Variants in BRD9 observed in about 807,000 individuals in gnomAD.
BRD9 encodes bromodomain-containing protein 9.
A neutral mutation model predicts 68.7 loss-of-function variants in BRD9; 47 were observed. The observed-to-expected ratio is 0.68, with a 90% CI of 0.54 to 0.87. The LOEUF (loss-of-function observed/expected upper bound fraction) is 0.87, where lower values mean the gene tolerates loss of function less well. BRD9 is among the 40% of genes least tolerant of loss of function. The pLI, the probability that BRD9 is intolerant of heterozygous loss-of-function variation, is 0.00. For missense variants in BRD9, 670 were observed against 748.4 expected (o/e 0.90, Z 1.22); for synonymous variants, 313 against 293.9 (o/e 1.06, Z -0.67).
rs750717119 is a variant in BRD9, at chr5:889,174, A to G, written c.462-9T>C. On this transcript the variant is annotated splice_polypyrimidine_tract_variant and intron_variant, in intron 4 of 15. Coordinates refer to ENST00000467963, the MANE Select transcript of BRD9 (RefSeq NM_023924.5). ...ATCCATGGGGATCTTTTCTGAAAGC[A>G]AAGACATCTTAAAGCGGAAAAATCT... 4 of 1,607,326 alleles carry G rather than the reference A, an allele frequency of 2.5e-6. No individual in the cohort carries two copies. Among genetic ancestry groups the G allele is most frequent in the East Asian group, 2.2e-5 (1 of 44,812 alleles).
chr5:891,238 T>A lies in BRD9; in HGVS notation c.317A>T (p.Glu106Val). 1 of 1,551,808 alleles carries A rather than the reference T, an allele frequency of 6.4e-7. No homozygotes were observed. Among genetic ancestry groups the A allele is most frequent in the Non-Finnish European group, 8.7e-7 (1 of 1,147,050 alleles). Residue 106 changes from glutamate (E) to valine (V), a missense_variant, in exon 3 of 16, where the codon GAG becomes GTG. Coordinates refer to ENST00000467963, the MANE Select transcript of BRD9 (RefSeq NM_023924.5). ...CTTCCCAGGATCAAAGTCGTCAGCC[T>A]CTCCCTCCGTGTCACAGTGCTCCCT... Reference protein sequence around the residue: ...REREHCDTEGEADDFDPGKKV... With the variant: ...REREHCDTEGVADDFDPGKKV...
intron 12 of BRD9, among the ~76,000 whole-genome samples, chr5:875,349 CTTT>C (rs749144309): frequency 1.4e-5 from 2 of 140,072 alleles, no homozygotes; most frequent in Non-Finnish European, 1.6e-5. Context: ...ACTTCAGACG[CTTT>C]TTTTTTTTTT....
At position 886,612 on chromosome 5, in the gene BRD9, C is replaced by CT; in HGVS notation, c.812dup (p.Pro272AlafsTer3). ...TTTACCTGATAACTTCTCTACTCGG[C>CT]TTTTTGGATTTCTTGGCAGTTTCTA... On this transcript the variant is annotated frameshift_variant, in exon 7 of 16. Coordinates refer to ENST00000467963, the MANE Select transcript of BRD9 (RefSeq NM_023924.5). LOFTEE classifies it high-confidence loss of function. 1 of 1,614,036 alleles carries CT rather than the reference C, an allele frequency of 6.2e-7. No homozygotes were observed. Among genetic ancestry groups the CT allele is most frequent in the Non-Finnish European group, 8.5e-7 (1 of 1,179,954 alleles).
intron 8 of BRD9, chr5:881,485 C>T (rs1056160403): frequency 6.4e-5 from 29 of 450,302 alleles, no homozygotes; most frequent in East Asian, 8.7e-5. Flanking sequence ...CAAAATGGAA[C>T]GGTCAGCAGG....
At chr5:867,933 C>T (rs1749593136) in intron 14 of BRD9, among the ~76,000 whole-genome samples, 1 of 152,096 alleles carries the variant, frequency 6.6e-6, no homozygotes, top group African/African-American at 2.4e-5. Context: ...ACAAAAGATT[C>T]GAGAGGAGTC....
intron 10 of BRD9, 50 bp from the exon 11 acceptor site, chr5:878,537 G>A (rs748395756): frequency 1.2e-5 from 20 of 1,610,394 alleles, no homozygotes; most frequent in Middle Eastern, 2.1e-4. Flanking sequence ...AGGACTCGGT[G>A]TGCAGGCCCC....
chr5:883,171 G>A, intron 8 of BRD9: 1 of 372,798 alleles, frequency 2.7e-6, no homozygotes, highest in Non-Finnish European at 5.3e-6. Context: ...CAGGCAAAAA[G>A]CAGCAGACAC....
chr5:892,012 C>T, intron 1 of BRD9, 158 bp from the exon 2 acceptor site: 1 of 1,183,362 alleles, frequency 8.5e-7, no homozygotes, highest in Non-Finnish European at 1.2e-6. Context: ...ACAGTGGCGG[C>T]ATGTCACTGC....
chr5:868,113 G>A (rs976241059), intron 14 of BRD9, among the ~76,000 whole-genome samples: 3 of 152,146 alleles, frequency 2.0e-5, no homozygotes, highest in African/African-American at 7.2e-5. Context: ...CATGAGATCT[G>A]GTTGTTTCAA....
chr5:882,566 C>A, intron 8 of BRD9: 1 of 162,744 alleles, frequency 6.1e-6, no homozygotes, highest in Non-Finnish European at 1.3e-5. Flanking sequence ...ATAAGCCACA[C>A]AGACCACAGC....
intron 7 of BRD9, among the ~76,000 whole-genome samples, chr5:886,004 G>A (rs1752498684): frequency 6.6e-6 from 1 of 152,180 alleles, no homozygotes; most frequent in Admixed American, 6.5e-5. Flanking sequence ...TTCCCTGAAG[G>A]ACCAGCCAAG....
intron 7 of BRD9, among the ~76,000 whole-genome samples, chr5:885,986 G>A (rs745465721): frequency 6.6e-6 from 1 of 152,192 alleles, no homozygotes; most frequent in South Asian, 2.1e-4. Context: ...AGAAAAAAAG[G>A]AAGAAGGTTC....
At chr5:877,573 T>G (rs1751136929) in intron 11 of BRD9, among the ~76,000 whole-genome samples, 1 of 152,222 alleles carries the variant, frequency 6.6e-6, no homozygotes, top group Non-Finnish European at 1.5e-5. Flanking sequence ...TGCCAAATTT[T>G]ACAAGAGTGA....
In BRD9 at chr5:888,907, G is replaced by C. The variant is rs975694064; in HGVS notation, c.606+114C>G. ...GTCTGTAAAACATCATCCGAACACA[G>C]AAACACCTGTGAAAGCTCAAAAACT... On this transcript the variant is annotated intron_variant, in intron 5 of 15. Transcript: ENST00000467963. 2.7e-6 allele frequency: 3 copies of C among 1,125,930 alleles called. No homozygotes were observed. The African/African-American group carries it at 4.8e-5, about 18-fold the overall frequency. The allele number at this position is 1,125,930 out of a possible 1,614,324, so 69.7% of individuals were successfully genotyped here.
Position 891,662 on chromosome 5 carries a change from T to C in BRD9, c.245A>G (p.Asp82Gly), listed in dbSNP as rs992722649. Reference sequence around the variant, plus strand: ...TACCTTTCGCTTCCTTCTTTCCTCATCGTCCAGATGCTTCTCCTTCTCGGA... The same window carrying C: ...TACCTTTCGCTTCCTTCTTTCCTCACCGTCCAGATGCTTCTCCTTCTCGGA... ...KKSEKEKHLDDEERRKRKEEK... is the reference protein window; with the variant it reads ...KKSEKEKHLDGEERRKRKEEK... Residue 82 changes from aspartate (D) to glycine (G), a missense_variant, in exon 2 of 16, where the codon GAT becomes GGT. By Grantham distance (94) the Asp-to-Gly change is moderately conservative. Coordinates refer to ENST00000467963, the MANE Select transcript of BRD9 (RefSeq NM_023924.5). 1.3e-6 allele frequency: 2 copies of C among 1,551,460 alleles called. No homozygotes were observed. The highest frequency in any genetic ancestry group is 3.9e-5 in the Admixed American group (2 of 50,976).
At chr5:890,099 G>A in intron 3 of BRD9, 1 of 319,896 alleles carries the variant, frequency 3.1e-6, no homozygotes, top group Non-Finnish European at 6.1e-6. Context: ...GGGAGGCTGA[G>A]GTGGGAGGAT....
chr5:873,413 A>T (rs773037047), intron 12 of BRD9, among the ~76,000 whole-genome samples: 1 of 152,152 alleles, frequency 6.6e-6, no homozygotes, highest in African/African-American at 2.4e-5. Flanking sequence ...CTTCACCCCA[A>T]ATTTTTAAAC....
At chr5:865,825 C>A in intron 14 of BRD9, 1 of 491,482 alleles carries the variant, frequency 2.0e-6, no homozygotes, top group Non-Finnish European at 3.6e-6. Context: ...TCAGACAAGA[C>A]CTAGCACCGC....
At position 887,557 on chromosome 5, in the gene BRD9, G is replaced by A. The variant is rs747243709; in HGVS notation, c.607-86C>T. The A allele has an allele frequency of 4.0e-6, 4 of 998,214 alleles. No individual in the cohort carries two copies. The Admixed American group carries it at 5.8e-5, about 15-fold the overall frequency. The allele number at this position is 998,214 out of a possible 1,614,324, so 61.8% of individuals were successfully genotyped here. A position where few individuals can be genotyped will look rare whatever the true frequency, so the allele number is the denominator to read the frequency against. ...TAGATGACTACCAAGAGACCAAAAG[G>A]AAAAAGCTACAATCGAGTAGAAAAC... On this transcript the variant is annotated intron_variant, in intron 5 of 15. Coordinates refer to ENST00000467963, the MANE Select transcript of BRD9 (RefSeq NM_023924.5).
Sources: allele counts gnomAD v4.1 joint callset (sites outside exome capture counted in the v4.1 genomes callset), GRCh38; gene constraint gnomAD v4.1.1; transcripts MANE v1.5; gene names NCBI Gene and HGNC (gene_info 2026-07-23, HGNC 2026-07-21).